DOCK3: variants seen among roughly 807,000 people sequenced by gnomAD.
The protein encoded by DOCK3 is dedicator of cytokinesis protein 3.
A neutral mutation model predicts 265.6 loss-of-function variants in DOCK3; 60 were observed. That is an observed-to-expected ratio of 0.23 (90% CI 0.18 to 0.28). The LOEUF is 0.28. Among genes scored for constraint, DOCK3 ranks in the 10% least tolerant of loss-of-function variants. DOCK3 has a pLI of 1.00. For missense variants in DOCK3, 1,981 were observed against 2,594.3 expected (o/e 0.76, Z 5.14); for synonymous variants, 881 against 938.0 (o/e 0.94, Z 1.11).
At chr3:50,917,209 C>G (rs1019441125) in intron 4 of DOCK3, among the ~76,000 whole-genome samples, 5 of 151,980 alleles carry the variant, frequency 3.3e-5, no homozygotes, top group South Asian at 2.1e-4. Flanking sequence ...AATTGAATGA[C>G]CTTCACATGA....
chr3:51,286,581 C>T (rs932561087), intron 27 of DOCK3, among the ~76,000 whole-genome samples: 2 of 152,140 alleles, frequency 1.3e-5, no homozygotes, highest in African/African-American at 4.8e-5. Flanking sequence ...TACAAGGCTA[C>T]AGTAACCAAA....
intron 1 of DOCK3, among the ~76,000 whole-genome samples, chr3:50,759,391 A>G (rs1007832550): frequency 3.9e-5 from 6 of 151,972 alleles, no homozygotes; most frequent in Non-Finnish European, 5.9e-5. Flanking sequence ...TTTTTTCGTA[A>G]TAGCCATCCA....
chr3:51,372,691 T>A (rs1370882364), intron 49 of DOCK3, among the ~76,000 whole-genome samples: 1 of 152,214 alleles, frequency 6.6e-6, no homozygotes, highest in African/African-American at 2.4e-5. Context: ...TTGATGTTAC[T>A]GAGTTGGTCT....
At chr3:51,165,126 A>G (rs1249104710) in intron 12 of DOCK3, among the ~76,000 whole-genome samples, 1 of 151,994 alleles carries the variant, frequency 6.6e-6, no homozygotes, top group Admixed American at 6.6e-5. Flanking sequence ...TTTGGTAGAG[A>G]TGGGGTTTCA....
intron 7 of DOCK3, among the ~76,000 whole-genome samples, chr3:51,088,909 A>G (rs1197572751): frequency 2.0e-5 from 3 of 152,198 alleles, no homozygotes; most frequent in Non-Finnish European, 2.9e-5. Flanking sequence ...GGCAGCTCAG[A>G]AAGTGGTACA....
intron 5 of DOCK3, among the ~76,000 whole-genome samples, chr3:51,055,516 T>G (rs2081163856): frequency 6.6e-6 from 1 of 152,194 alleles, no homozygotes; most frequent in South Asian, 2.1e-4. Flanking sequence ...GGCTGGCTTT[T>G]TATTAGTCTC....
chr3:50,896,735 A>G (rs2048910919), intron 4 of DOCK3, among the ~76,000 whole-genome samples: 1 of 152,140 alleles, frequency 6.6e-6, no homozygotes, highest in Non-Finnish European at 1.5e-5. Flanking sequence ...AACACCATTT[A>G]TTAAGTAGGC....
At chr3:51,125,784 T>C (rs2084240750) in intron 9 of DOCK3, among the ~76,000 whole-genome samples, 1 of 152,082 alleles carries the variant, frequency 6.6e-6, no homozygotes, top group Non-Finnish European at 1.5e-5. Context: ...AGTAAAGGAA[T>C]GAAGTTAAAA....
intron 1 of DOCK3, among the ~76,000 whole-genome samples, chr3:50,740,506 G>C (rs2038946656): frequency 6.6e-6 from 1 of 152,036 alleles, no homozygotes; most frequent in Non-Finnish European, 1.5e-5. Context: ...AAGAATTCCA[G>C]TTCTTCCACA....
Position 51,383,916 on chromosome 3 carries a change from T to TA in DOCK3, c.*2361dup, listed in dbSNP as rs782505647. On this transcript the variant is annotated 3_prime_UTR_variant, in exon 53 of 53. Transcript: ENST00000266037. ...TAACCTCCCGCATTCTGTGCTTATT[T>TA]AAAACAAGGAAACTTCTAACCATTT... 1 of 152,642 alleles carries TA rather than the reference T, an allele frequency of 6.6e-6. No individual in the cohort carries two copies. The highest frequency in any genetic ancestry group is 1.5e-5 in the Non-Finnish European group (1 of 68,030). 9.5% of individuals were successfully genotyped at this position (152,642 alleles called of 1,614,324 possible).
At chr3:51,230,811 G>A (rs946973730) in intron 19 of DOCK3, among the ~76,000 whole-genome samples, 18 of 152,116 alleles carry the variant, frequency 1.2e-4, no homozygotes, top group Admixed American at 8.5e-4. Context: ...CACCGCGCCC[G>A]ACCTATGTAC....
chr3:50,875,589 G>A (rs1050329310), intron 3 of DOCK3, among the ~76,000 whole-genome samples: 4 of 152,120 alleles, frequency 2.6e-5, no homozygotes, highest in Non-Finnish European at 4.4e-5. Flanking sequence ...TTTTGTTGAT[G>A]TGATATATCA....
chr3:51,361,493 G>A lies in DOCK3; in HGVS notation c.5007-366G>A, dbSNP rs1010799121. ...ATGGTGTGGGGGGGTTGGGGGGTGGGCACTGACCCAGACTAATACCCCATA... is the reference window on the plus strand; with the variant it reads ...ATGGTGTGGGGGGGTTGGGGGGTGGACACTGACCCAGACTAATACCCCATA... On this transcript the variant is annotated intron_variant, in intron 47 of 52. Transcript: ENST00000266037. The surrounding 1 kb of genome is among the most constrained non-coding windows in gnomAD (Gnocchi z 4.2). 6.6e-6 allele frequency among the ~76,000 whole-genome samples: 1 copy of A among 151,284 alleles called. No individual in the cohort carries two copies.
chr3:50,775,694 C>T (rs746408999), intron 1 of DOCK3, among the ~76,000 whole-genome samples: 3 of 151,958 alleles, frequency 2.0e-5, no homozygotes, highest in East Asian at 1.9e-4. Flanking sequence ...ACCTGTTACC[C>T]GAGCAGTGTA....
intron 14 of DOCK3, among the ~76,000 whole-genome samples, chr3:51,223,815 G>A (rs1277756166): frequency 6.6e-6 from 1 of 152,124 alleles, no homozygotes; most frequent in East Asian, 1.9e-4. Context: ...TTACTTTCAG[G>A]ACTGACTTTA....
chr3:51,018,323 C>T (rs751351006), intron 5 of DOCK3, among the ~76,000 whole-genome samples: 8 of 151,446 alleles, frequency 5.3e-5, no homozygotes, highest in East Asian at 1.9e-4. Context: ...CTTGGCTGGG[C>T]GTGGTGGCTC....
At chr3:51,090,188 TAACTA>T (rs772477837) in intron 8 of DOCK3, 37 bp from the exon 9 acceptor site, 9 of 1,512,448 alleles carry the variant, frequency 6.0e-6, no homozygotes, top group Middle Eastern at 1.7e-4. Flanking sequence ...ATATAAAAAA[TAACTA>T]AAATAAAAAT....
chr3:50,857,499 A>C (rs1039573182), intron 3 of DOCK3, among the ~76,000 whole-genome samples: 1 of 152,212 alleles, frequency 6.6e-6, no homozygotes, highest in African/African-American at 2.4e-5. Context: ...TGAACAGGCA[A>C]CCTACAGAAT....
In DOCK3 at chr3:51,232,523, C is replaced by A. The variant is rs1238229087; in HGVS notation, c.1917+2914C>A. Among the ~76,000 whole-genome samples the A allele has an allele frequency of 3.3e-5, 5 of 152,270 alleles. No homozygotes were observed. In the East Asian group the frequency reaches 9.7e-4, roughly 29 times the overall value. On this transcript the variant is annotated intron_variant, in intron 19 of 52. Transcript: ENST00000266037. ...TAAAAGTATTCCCTTTTCACCACAT[C>A]CACACCCACTTCTGTTGTTTTTTGA...
Sources: gnomAD v4.1 joint callset for allele counts (sites outside exome capture counted in the v4.1 genomes callset) on GRCh38, gnomAD v4.1.1 for gene constraint, Gnocchi (gnomAD v3.1) non-coding constraint, MANE v1.5 for transcripts, NCBI Gene and HGNC (gene_info 2026-07-23, HGNC 2026-07-21) for gene names.